TENT4B: variants seen among roughly 807,000 people sequenced by gnomAD.
TENT4B encodes the protein PAP associated domain containing 5.
A neutral mutation model predicts 75.0 loss-of-function variants in TENT4B; 10 were observed. The observed-to-expected ratio is 0.13, with a 90% CI of 0.08 to 0.23. The LOEUF (loss-of-function observed/expected upper bound fraction) is 0.23. TENT4B is among the 10% of genes least tolerant of loss of function. The pLI is 1.00. For missense variants in TENT4B, 579 were observed against 893.8 expected (o/e 0.65, Z 4.49); for synonymous variants, 350 against 357.7 (o/e 0.98, Z 0.24).
chr16:50,194,970 C>T (rs1267705815), intron 1 of TENT4B, among the ~76,000 whole-genome samples: 2 of 151,826 alleles, frequency 1.3e-5, no homozygotes, highest in Non-Finnish European at 2.9e-5. Flanking sequence ...AGGATGGTCT[C>T]GATCTCCTGA....
rs562283861 is a variant in TENT4B at position 50,184,439 on chromosome 16, C to T, written c.639-26884C>T. On this transcript the variant is annotated intron_variant, in intron 1 of 11. Coordinates refer to ENST00000561678, the MANE Select transcript of TENT4B (RefSeq NM_001365324.3). ...ATCCCAGCACTTTGGGAGGCTGAGG[C>T]GGGTGGATACGAGGGTCAGGAGATC... 1.7e-3 allele frequency among the ~76,000 whole-genome samples: 255 copies of T among 152,214 alleles called. 1 individual carries two copies. The highest frequency in any genetic ancestry group is 3.4e-3 in the Non-Finnish European group (229 of 68,016).
intron 1 of TENT4B, among the ~76,000 whole-genome samples, chr16:50,165,192 AT>A (rs1041126891): frequency 4.2e-4 from 63 of 149,574 alleles, no homozygotes; most frequent in African/African-American, 1.1e-3. Flanking sequence ...CCATTTATTT[AT>A]TTTTTTTCTT....
At chr16:50,162,023 A>G (rs1228293275) in intron 1 of TENT4B, among the ~76,000 whole-genome samples, 3 of 152,150 alleles carry the variant, frequency 2.0e-5, no homozygotes, top group Non-Finnish European at 4.4e-5. Context: ...TAATTTTGCC[A>G]TTTTGAGAAT....
intron 1 of TENT4B, among the ~76,000 whole-genome samples, chr16:50,163,704 T>A (rs957517916): frequency 1.3e-5 from 2 of 151,610 alleles, no homozygotes. Flanking sequence ...CGGCCTGATA[T>A]AATTTCTGTT....
intron 10 of TENT4B, among the ~76,000 whole-genome samples, chr16:50,226,449 T>C (rs1347006511): frequency 1.3e-5 from 2 of 152,236 alleles, no homozygotes; most frequent in East Asian, 3.8e-4. Context: ...TTTTGTTTTT[T>C]GAGACGGAGT....
Position 50,229,643 on chromosome 16 carries a change from T to A in TENT4B, c.*315T>A, listed in dbSNP as rs1024339079. The A allele has an allele frequency of 1.2e-5, 13 of 1,054,812 alleles. No homozygotes were observed. Among genetic ancestry groups the A allele is most frequent in the Non-Finnish European group, 1.5e-5 (13 of 876,254 alleles). 65.3% of individuals were successfully genotyped at this position (1,054,812 alleles called of 1,614,324 possible). A position where few individuals can be genotyped will look rare whatever the true frequency, so the allele number is the denominator to read the frequency against. On this transcript the variant is annotated 3_prime_UTR_variant, in exon 12 of 12. Transcript: ENST00000561678. ...ATAAATATATTTCTCATTGGCTTTATGCAGAGTTATAGGGAATAGTATTCA... is the reference window on the plus strand; with the variant it reads ...ATAAATATATTTCTCATTGGCTTTAAGCAGAGTTATAGGGAATAGTATTCA...
chr16:50,161,494 A>G (rs1472509391), intron 1 of TENT4B, among the ~76,000 whole-genome samples: 1 of 152,214 alleles, frequency 6.6e-6, no homozygotes, highest in African/African-American at 2.4e-5. Flanking sequence ...AAATAGTTGT[A>G]TATATTTAGT....
At position 50,217,679 on chromosome 16, in the gene TENT4B, G is replaced by A. The variant is rs3887556; in HGVS notation, c.1038+16G>A. The A allele has an allele frequency of 0.68, 981,464 of 1,432,840 alleles. 341,907 individuals are homozygous for A. Among genetic ancestry groups the A allele is most frequent in the South Asian group, 0.71 (53,678 of 75,200 alleles). 88.8% of individuals were successfully genotyped at this position (1,432,840 alleles called of 1,614,324 possible). A position where few individuals can be genotyped will look rare whatever the true frequency, so the allele number is the denominator to read the frequency against. ...TTTTACCAAGGTCAGAGAATTTAGC[G>A]TTTATACAACAAAACTATTAGAAAC... is the stretch of plus-strand genomic sequence containing the variant. On this transcript the variant is annotated intron_variant, in intron 5 of 11. Coordinates refer to ENST00000561678, the MANE Select transcript of TENT4B (RefSeq NM_001365324.3).
At chr16:50,223,713 G>T (rs1054937782) in intron 7 of TENT4B, among the ~76,000 whole-genome samples, 1 of 152,160 alleles carries the variant, frequency 6.6e-6, no homozygotes, top group Non-Finnish European at 1.5e-5. Context: ...ACAACCAATT[G>T]TCAGCAATTA....
At chr16:50,184,296 C>G (rs2038481148) in intron 1 of TENT4B, among the ~76,000 whole-genome samples, 1 of 152,140 alleles carries the variant, frequency 6.6e-6, no homozygotes, top group East Asian at 1.9e-4. Context: ...GGTAATATTC[C>G]ATTGTATGGT....
chr16:50,164,225 A>G (rs772699034), intron 1 of TENT4B, among the ~76,000 whole-genome samples: 26 of 152,150 alleles, frequency 1.7e-4, no homozygotes, highest in Non-Finnish European at 3.2e-4. Context: ...CTGGTTTTGA[A>G]CTTGTGGTCT....
Position 50,234,860 on chromosome 16 carries a change from T to G in TENT4B, c.*5532T>G. The stretch of plus-strand genomic sequence containing the variant: ...GGAATATACATAGATAACGTGTATT[T>G]AGAAACTTTGGTGAAGCCAGTATTT... On this transcript the variant is annotated 3_prime_UTR_variant, in exon 12 of 12. Transcript: ENST00000561678. The G allele has an allele frequency of 1.0e-6, 1 of 985,804 alleles. No individual in the cohort carries two copies. Among genetic ancestry groups the G allele is most frequent in the Non-Finnish European group, 1.2e-6 (1 of 829,898 alleles). The allele number at this position is 985,804 out of a possible 1,614,324, so 61.1% of individuals were successfully genotyped here. A position where few individuals can be genotyped will look rare whatever the true frequency, so the allele number is the denominator to read the frequency against.
chr16:50,168,859 T>G (rs1464812671), intron 1 of TENT4B, among the ~76,000 whole-genome samples: 1 of 152,060 alleles, frequency 6.6e-6, no homozygotes, highest in Non-Finnish European at 1.5e-5. Context: ...TTGGCCAGGC[T>G]GGTCTTGAAC....
chr16:50,196,488 T>C (rs200435341), intron 1 of TENT4B, among the ~76,000 whole-genome samples: 28 of 149,862 alleles, frequency 1.9e-4, no homozygotes, highest in Non-Finnish European at 2.2e-4. Flanking sequence ...AGTTTATCAT[T>C]ATCATCATCA....
chr16:50,234,342 G>A lies in TENT4B; in HGVS notation c.*5014G>A, dbSNP rs1850014845. ...GGGAGGGAAAGGAGGACTTGGAAAA[G>A]CATTCTCCAAAGCCAGCAACTTGGT... is the stretch of plus-strand genomic sequence containing the variant. On this transcript the variant is annotated 3_prime_UTR_variant, in exon 12 of 12. Transcript: ENST00000561678. 3 of 956,136 alleles carry A rather than the reference G, an allele frequency of 3.1e-6. No individual in the cohort carries two copies. In the African/African-American group the frequency reaches 5.6e-5, roughly 18 times the overall value. 59.2% of individuals were successfully genotyped at this position (956,136 alleles called of 1,614,324 possible).
At chr16:50,228,750 AGCCACAG>A (rs1314597899) in intron 11 of TENT4B, among the ~76,000 whole-genome samples, 1 of 152,232 alleles carries the variant, frequency 6.6e-6, no homozygotes, top group African/African-American at 2.4e-5. Context: ...GTCACGAGAA[AGCCACAG>A]GCCATGAGTA....
rs189240522 is a variant in TENT4B, at chr16:50,197,546, C to T, written c.639-13777C>T. ...TCAAGCAATCTGCCTGCCTGGGCCT[C>T]TGAAAGTGCTGGGATTACAGGCGTG... is the stretch of plus-strand genomic sequence containing the variant. On this transcript the variant is annotated intron_variant, in intron 1 of 11. Transcript: ENST00000561678. 1.1e-4 allele frequency among the ~76,000 whole-genome samples: 17 copies of T among 152,282 alleles called. No individual in the cohort carries two copies. In the East Asian group the frequency reaches 3.3e-3, roughly 29 times the overall value.
intron 1 of TENT4B, among the ~76,000 whole-genome samples, chr16:50,192,005 G>A (rs193115818): frequency 4.9e-4 from 75 of 152,094 alleles, no homozygotes; most frequent in African/African-American, 1.7e-3. Flanking sequence ...TGCTTTGAGA[G>A]GCCGAGGTGG....
intron 1 of TENT4B, among the ~76,000 whole-genome samples, chr16:50,192,457 A>G (rs1444303227): frequency 2.0e-5 from 3 of 152,140 alleles, no homozygotes; most frequent in African/African-American, 7.2e-5. Flanking sequence ...CAATAGGTGC[A>G]TCTATAGATT....
Sources: gnomAD v4.1 joint callset for allele counts (sites outside exome capture counted in the v4.1 genomes callset) on GRCh38, gnomAD v4.1.1 for gene constraint, MANE v1.5 for transcripts, NCBI Gene and HGNC (gene_info 2026-07-23, HGNC 2026-07-21) for gene names.